ZNF428: variants seen among roughly 807,000 people sequenced by gnomAD.
The protein encoded by ZNF428 is enzyme-like protein PIT13.
ZNF428 carries 5 observed loss-of-function variants against 15.6 expected under a neutral mutation model. The ratio of observed to expected loss-of-function variants is 0.32; its 90% CI spans 0.17 to 0.67. The LOEUF (loss-of-function observed/expected upper bound fraction) is 0.67, where lower values mean the gene tolerates loss of function less well. ZNF428 is among the 30% of genes least tolerant of loss of function. ZNF428 has a pLI of 0.73. For missense variants in ZNF428, 237 were observed against 256.0 expected (o/e 0.93, Z 0.51); for synonymous variants, 97 against 102.2 (o/e 0.95, Z 0.31).
chr19:43,609,194 G>A (rs995739995), intron 2 of ZNF428, among the ~76,000 whole-genome samples: 1 of 152,138 alleles, frequency 6.6e-6, no homozygotes, highest in Non-Finnish European at 1.5e-5. Flanking sequence ...GGCACAGGGA[G>A]GCTAGACGAC....
rs180798962 is a variant in ZNF428, at chr19:43,616,112, A to C, written c.-130-1678T>G. Among the ~76,000 whole-genome samples the C allele has an allele frequency of 7.9e-5, 12 of 152,282 alleles. No homozygotes were observed. In the East Asian group the frequency reaches 2.3e-3, roughly 29 times the overall value. On this transcript the variant is annotated intron_variant, in intron 1 of 2. Coordinates refer to ENST00000300811, the MANE Select transcript of ZNF428 (RefSeq NM_182498.4). ...CTAAGGTACACAACATTATAACAAG[A>C]GACTGTAACAAAGGCTGTAGGAGTT...
At chr19:43,619,291 G>C (rs1181908756) in intron 1 of ZNF428, among the ~76,000 whole-genome samples, 2 of 151,860 alleles carry the variant, frequency 1.3e-5, no homozygotes, top group African/African-American at 4.8e-5. Flanking sequence ...AACCGGTCTC[G>C]ACAAGGATCT....
Position 43,612,423 on chromosome 19 carries a change from G to C in ZNF428, c.76+1806C>G. 1 of 1,550,872 alleles carries C rather than the reference G, an allele frequency of 6.4e-7. No individual in the cohort carries two copies. Among genetic ancestry groups the C allele is most frequent in the Non-Finnish European group, 8.7e-7 (1 of 1,146,740 alleles). ...AGGGTGAGCACCGACACCAGGACCA[G>C]CAAAGCCAGCAAGGCCAGCGACGTG... On this transcript the variant is annotated intron_variant, in intron 2 of 2. Transcript: ENST00000300811. This position sits in a 1 kb window ranked among gnomAD's most constrained non-coding sequence, Gnocchi z 4.2.
At chr19:43,613,233 C>G in intron 2 of ZNF428, 1 of 1,551,604 alleles carries the variant, frequency 6.4e-7, no homozygotes, top group South Asian at 1.2e-5. Flanking sequence ...TCCAGAAGCT[C>G]CAGCAAAGAG....
chr19:43,611,919 G>A (rs1973301283), intron 2 of ZNF428: 1 of 603,736 alleles, frequency 1.7e-6, no homozygotes. Flanking sequence ...GCAAACCAGA[G>A]GAAATATCTC....
At chr19:43,611,008 C>T (rs984596226) in intron 2 of ZNF428, among the ~76,000 whole-genome samples, 2 of 152,156 alleles carry the variant, frequency 1.3e-5, no homozygotes, top group African/African-American at 4.8e-5. Flanking sequence ...CTGGTGACCC[C>T]CTACTCATCC....
chr19:43,613,664 T>G, intron 2 of ZNF428: 1 of 1,521,668 alleles, frequency 6.6e-7, no homozygotes, highest in Non-Finnish European at 8.8e-7. Context: ...ATCTAGAAGC[T>G]CCAGCAAAGA....
intron 2 of ZNF428, 153 bp downstream of exon 2, chr19:43,614,076 G>A: frequency 6.4e-7 from 1 of 1,560,756 alleles, no homozygotes; most frequent in South Asian, 1.2e-5. Context: ...AGTCCCGACT[G>A]GAAGAGATCC....
intron 1 of ZNF428, among the ~76,000 whole-genome samples, chr19:43,618,566 CTTTTTTT>C (rs551668437): frequency 3.4e-3 from 333 of 98,338 alleles, no homozygotes; most frequent in East Asian, 0.01. Context: ...TTAATTTTTA[CTTTTTTT>C]TTTTTTTTTT....
intron 2 of ZNF428, chr19:43,611,953 C>G: frequency 3.2e-6 from 2 of 624,414 alleles, no homozygotes; most frequent in Non-Finnish European, 5.7e-6. Context: ...GGACCCCTCC[C>G]CTCTCTCCTC....
chr19:43,608,196 C>T, intron 2 of ZNF428, 89 bp from the exon 3 acceptor site: 1 of 1,518,546 alleles, frequency 6.6e-7, no homozygotes, highest in Non-Finnish European at 8.8e-7. Flanking sequence ...CACATTCAGA[C>T]TTGCCATAGT....
intron 2 of ZNF428, chr19:43,613,386 CGA>C (rs1236331332): frequency 1.6e-5 from 24 of 1,543,412 alleles, no homozygotes; most frequent in Non-Finnish European, 2.0e-5. Context: ...CCCTACAAGG[CGA>C]GAGATCGCAG....
Position 43,612,664 on chromosome 19 carries a change from G to A in ZNF428, c.76+1565C>T. On this transcript the variant is annotated intron_variant, in intron 2 of 2. Transcript: ENST00000300811. The surrounding 1 kb of genome is among the most constrained non-coding windows in gnomAD (Gnocchi z 4.2). ...ACGGCCGGCCTAGAACCAGCAACAG[G>A]GAAAGGAGTGACAGCCAGCCTAGAA... 1.9e-6 allele frequency: 3 copies of A among 1,551,426 alleles called. No individual in the cohort carries two copies. Among genetic ancestry groups the A allele is most frequent in the Non-Finnish European group, 2.6e-6 (3 of 1,146,966 alleles).
At chr19:43,613,244 A>G (rs1293890165) in intron 2 of ZNF428, 1 of 1,551,556 alleles carries the variant, frequency 6.4e-7, no homozygotes, top group Non-Finnish European at 8.7e-7. Context: ...CAGCAAAGAG[A>G]GAGATCACAG....
chr19:43,617,469 GAAACCTGGAGGTGGCTGGGGC>G (rs1052930309), intron 1 of ZNF428, among the ~76,000 whole-genome samples: 20 of 152,218 alleles, frequency 1.3e-4, no homozygotes, highest in African/African-American at 4.8e-4. Context: ...GCTTCAGATT[GAAACCTGGAGGTGGCTGGGGC>G]AAAGGACCAT....
chr19:43,613,524 A>G (rs1227509961), intron 2 of ZNF428: 1 of 1,549,744 alleles, frequency 6.5e-7, no homozygotes, highest in Non-Finnish European at 8.7e-7. Flanking sequence ...AGAAGTCCCA[A>G]CAAGGCGAGA....
intron 1 of ZNF428, among the ~76,000 whole-genome samples, chr19:43,616,451 T>TCC (rs1973372625): frequency 6.6e-6 from 1 of 152,130 alleles, no homozygotes. Context: ...ACTCACGTAC[T>TCC]CCCCATAACT....
At chr19:43,613,243 G>A in intron 2 of ZNF428, 2 of 1,551,674 alleles carry the variant, frequency 1.3e-6, no homozygotes, top group Non-Finnish European at 1.7e-6. Flanking sequence ...CCAGCAAAGA[G>A]AGAGATCACA....
intron 2 of ZNF428, chr19:43,613,918 C>A: frequency 6.4e-7 from 1 of 1,551,620 alleles, no homozygotes; most frequent in Middle Eastern, 1.7e-4. Flanking sequence ...CTAGAAGCCC[C>A]AATAAGCAGA....
Sources: allele counts gnomAD v4.1 joint callset (sites outside exome capture counted in the v4.1 genomes callset), GRCh38; gene constraint gnomAD v4.1.1; non-coding constraint Gnocchi (gnomAD v3.1); transcripts MANE v1.5; gene names NCBI Gene and HGNC (gene_info 2026-07-23, HGNC 2026-07-21).